The following INTU variants were observed in gnomAD, a reference collection of about 807,000 sequenced individuals.
The protein encoded by INTU is protein inturned.
In INTU, 68 loss-of-function variants were observed where a neutral mutation model predicts 100.5. That is an observed-to-expected ratio of 0.68 (90% CI 0.56 to 0.83). The LOEUF (loss-of-function observed/expected upper bound fraction) is 0.83. INTU is among the 40% of genes least tolerant of loss of function. INTU has a pLI of 0.00. For synonymous variants in INTU, 357 were observed against 395.7 expected (o/e 0.90, Z 1.16); for missense variants, 1,071 against 1,114.7 (o/e 0.96, Z 0.56).
At chr4:127,698,217 C>G (rs925626786) in intron 8 of INTU, among the ~76,000 whole-genome samples, 1 of 152,074 alleles carries the variant, frequency 6.6e-6, no homozygotes, top group African/African-American at 2.4e-5. Flanking sequence ...AATCCCAGCA[C>G]TTTGGGAGGC....
Position 127,641,806 on chromosome 4 carries a change from G to T in INTU, c.147-1715G>T, listed in dbSNP as rs980212709. Among the ~76,000 whole-genome samples, 5 of 152,134 alleles carry T rather than the reference G, an allele frequency of 3.3e-5. No homozygotes were observed. The South Asian group carries it at 6.2e-4, about 19-fold the overall frequency. On this transcript the variant is annotated intron_variant, in intron 1 of 15. Coordinates refer to ENST00000335251, the MANE Select transcript of INTU (RefSeq NM_015693.4). ...TAGTTGCTCCACAATTGAATGCCAA[G>T]ATGCTATCCCCTTGGCCACCACGTG... is the stretch of plus-strand genomic sequence containing the variant.
At chr4:127,635,421 G>A (rs546488276) in intron 1 of INTU, among the ~76,000 whole-genome samples, 1 of 152,246 alleles carries the variant, frequency 6.6e-6, no homozygotes, top group South Asian at 2.1e-4. Flanking sequence ...CAAGTTACCA[G>A]CTAATATGCC....
In INTU at chr4:127,663,669, G is replaced by A. The variant is rs946851084; in HGVS notation, c.972+85G>A. The A allele has an allele frequency of 5.1e-6, 5 of 975,864 alleles. No individual in the cohort carries two copies. The African/African-American group carries it at 8.2e-5, about 16-fold the overall frequency. 60.5% of individuals were successfully genotyped at this position (975,864 alleles called of 1,614,324 possible). A position where few individuals can be genotyped will look rare whatever the true frequency, so the allele number is the denominator to read the frequency against. On this transcript the variant is annotated intron_variant, in intron 4 of 15. Coordinates refer to ENST00000335251, the MANE Select transcript of INTU (RefSeq NM_015693.4). ...AAGGACCTTTTATCGTATTCCCAGT[G>A]AATAGTGAGTATATTTGATTTAAGC...
intron 1 of INTU, among the ~76,000 whole-genome samples, chr4:127,640,542 C>CATATATATATATATAT (rs869116277): frequency 2.4e-4 from 13 of 53,636 alleles, no homozygotes; most frequent in Admixed American, 4.6e-4. Context: ...GGTAAAGATA[C>CATATATATATATATAT]ATATATATAT....
intron 8 of INTU, among the ~76,000 whole-genome samples, chr4:127,689,931 G>C (rs576894017): frequency 1.3e-5 from 2 of 152,296 alleles, no homozygotes; most frequent in African/African-American, 4.8e-5. Flanking sequence ...TCATGAGTCA[G>C]AAGGTACCAT....
At chr4:127,716,299 A>G in intron 15 of INTU, 26 bp from the exon 16 acceptor site, 1 of 1,085,522 alleles carries the variant, frequency 9.2e-7, no homozygotes, top group Non-Finnish European at 1.3e-6. Context: ...TAATTTCTGA[A>G]ATGAGTGTGT....
At chr4:127,679,902 T>C (rs1176209820) in intron 6 of INTU, among the ~76,000 whole-genome samples, 1 of 151,882 alleles carries the variant, frequency 6.6e-6, no homozygotes, top group Non-Finnish European at 1.5e-5. Flanking sequence ...ATAGACGCAA[T>C]AAAAAATGAT....
chr4:127,700,863 CA>C (rs1730617597), intron 9 of INTU, among the ~76,000 whole-genome samples: 1 of 151,560 alleles, frequency 6.6e-6, no homozygotes, highest in African/African-American at 2.4e-5. Flanking sequence ...GAAGAAAAAT[CA>C]GACATTTATC....
At chr4:127,634,174 A>G (rs541000404) in intron 1 of INTU, among the ~76,000 whole-genome samples, 3 of 152,256 alleles carry the variant, frequency 2.0e-5, no homozygotes, top group African/African-American at 7.2e-5. Flanking sequence ...TGTTTAATAC[A>G]TTCTTGAAGA....
chr4:127,709,434 C>G (rs1731010963), intron 13 of INTU, among the ~76,000 whole-genome samples: 1 of 152,134 alleles, frequency 6.6e-6, no homozygotes, highest in African/African-American at 2.4e-5. Context: ...CCATAACACT[C>G]TCTTTAGAAA....
rs111411469 is a variant in INTU at position 127,695,971 on chromosome 4, A to G, written c.1450-4039A>G. Among the ~76,000 whole-genome samples, 149 of 152,256 alleles carry G rather than the reference A, an allele frequency of 9.8e-4. 1 individual carries two copies. Among genetic ancestry groups the G allele is most frequent in the African/African-American group, 3.5e-3 (146 of 41,552 alleles). ...GAATCATGTGATTTTTTTAAAGCCC[A>G]TTGATCTGATGGATTACATTAACTG... On this transcript the variant is annotated intron_variant, in intron 8 of 15. Coordinates refer to ENST00000335251, the MANE Select transcript of INTU (RefSeq NM_015693.4).
chr4:127,646,242 C>G (rs1316713758), intron 2 of INTU, among the ~76,000 whole-genome samples: 1 of 151,052 alleles, frequency 6.6e-6, no homozygotes, highest in Non-Finnish European at 1.5e-5. Context: ...ATGACTGGAA[C>G]AGGGGCTAAT....
intron 8 of INTU, among the ~76,000 whole-genome samples, chr4:127,692,374 C>CA (rs563764244): frequency 3.7e-4 from 57 of 152,100 alleles, no homozygotes; most frequent in African/African-American, 1.4e-3. Context: ...GCTGGTTAGC[C>CA]AGTTGTATAT....
chr4:127,693,619 A>C (rs1052163319), intron 8 of INTU, among the ~76,000 whole-genome samples: 25 of 152,216 alleles, frequency 1.6e-4, no homozygotes, highest in Non-Finnish European at 1.8e-4. Context: ...GTTGAATAGA[A>C]GTGGTGAAAG....
chr4:127,674,507 G>A (rs1259589456), intron 6 of INTU, among the ~76,000 whole-genome samples: 1 of 152,166 alleles, frequency 6.6e-6, no homozygotes, highest in Non-Finnish European at 1.5e-5. Context: ...TTAAATTTTT[G>A]ACAACATTGT....
intron 6 of INTU, among the ~76,000 whole-genome samples, chr4:127,675,456 AT>A (rs985636359): frequency 2.6e-5 from 4 of 152,170 alleles, no homozygotes; most frequent in African/African-American, 9.6e-5. Context: ...CAGTGTATTC[AT>A]TTTTTATTGC....
intron 3 of INTU, among the ~76,000 whole-genome samples, chr4:127,658,569 A>G (rs1728338414): frequency 6.6e-6 from 1 of 152,196 alleles, no homozygotes; most frequent in African/African-American, 2.4e-5. Context: ...ATCCTGAGTG[A>G]GGGATCCCCT....
At chr4:127,708,325 T>TA (rs1254757521) in intron 12 of INTU, among the ~76,000 whole-genome samples, 1 of 152,078 alleles carries the variant, frequency 6.6e-6, no homozygotes, top group African/African-American at 2.4e-5. Context: ...TATGCATACA[T>TA]ACAAATTTGG....
In INTU at chr4:127,718,364, C is replaced by T. The variant is rs1731299394; in HGVS notation, c.*1928C>T. On this transcript the variant is annotated 3_prime_UTR_variant, in exon 16 of 16. Coordinates refer to ENST00000335251, the MANE Select transcript of INTU (RefSeq NM_015693.4). ...TATGTGTCAGTTTTTGTACCAGTACCATGATGTTTTGGTTATTGTACCCTT... is the reference window on the plus strand; with the variant it reads ...TATGTGTCAGTTTTTGTACCAGTACTATGATGTTTTGGTTATTGTACCCTT... The T allele has an allele frequency of 6.6e-6, 1 of 152,044 alleles. No homozygotes were observed. The highest frequency in any genetic ancestry group is 2.1e-4 in the South Asian group (1 of 4,822). 9.4% of individuals were successfully genotyped at this position (152,044 alleles called of 1,614,324 possible).
Sources: allele counts gnomAD v4.1 joint callset (sites outside exome capture counted in the v4.1 genomes callset), GRCh38; gene constraint gnomAD v4.1.1; transcripts MANE v1.5; gene names NCBI Gene and HGNC (gene_info 2026-07-23, HGNC 2026-07-21).